The following DCLK1 variants were observed in gnomAD, a reference collection of about 807,000 sequenced individuals.
The protein encoded by DCLK1 is doublecortin like kinase 1, also known as serine/threonine-protein kinase DCLK1.
Under a neutral mutation model 86.2 loss-of-function variants are expected in DCLK1, and 16 were observed. The observed-to-expected ratio is 0.19, with a 90% CI of 0.13 to 0.28. The LOEUF is 0.28. DCLK1 is among the 10% of genes least tolerant of loss of function. The pLI is 1.00. For synonymous variants in DCLK1, 369 were observed against 370.5 expected, an observed-to-expected ratio of 1.00 and a Z score of 0.05; for missense variants, 590 against 940.2, an observed-to-expected ratio of 0.63 and a Z score of 4.87.
intron 4 of DCLK1, among the ~76,000 whole-genome samples, chr13:35,937,495 C>G (rs1335332710): frequency 6.6e-6 from 1 of 152,118 alleles, no homozygotes; most frequent in Non-Finnish European, 1.5e-5. Context: ...AGGGGACTCA[C>G]CACATGCTAC....
intron 5 of DCLK1, among the ~76,000 whole-genome samples, chr13:35,868,601 T>C (rs1394194608): frequency 6.6e-6 from 1 of 152,188 alleles, no homozygotes; most frequent in Non-Finnish European, 1.5e-5. Flanking sequence ...ATAGTATTGA[T>C]ACTATTCATT....
chr13:35,881,035 G>A (rs945376982), intron 4 of DCLK1, among the ~76,000 whole-genome samples: 12 of 152,134 alleles, frequency 7.9e-5, no homozygotes, highest in African/African-American at 2.9e-4. Context: ...TGAATATACA[G>A]ATGAACAATG....
intron 4 of DCLK1, among the ~76,000 whole-genome samples, chr13:35,924,673 T>C (rs1167339719): frequency 6.6e-6 from 1 of 152,032 alleles, no homozygotes; most frequent in Non-Finnish European, 1.5e-5. Flanking sequence ...AAAAAAGAAA[T>C]GGAAGGCTTA....
At chr13:35,948,364 T>A (rs7338448) in intron 3 of DCLK1, among the ~76,000 whole-genome samples, 15 of 152,114 alleles carry the variant, frequency 9.9e-5, no homozygotes, top group African/African-American at 3.4e-4. Context: ...CAGAGCTGTA[T>A]GAAATAGATG....
At chr13:35,839,411 A>C (rs1451537984) in intron 6 of DCLK1, among the ~76,000 whole-genome samples, 1 of 152,072 alleles carries the variant, frequency 6.6e-6, no homozygotes, top group East Asian at 1.9e-4. Context: ...TGTGAACTTG[A>C]ATGTTCCGTG....
intron 5 of DCLK1, chr13:35,855,446 T>A: frequency 4.0e-6 from 6 of 1,490,292 alleles, no homozygotes; most frequent in Non-Finnish European, 5.5e-6. Context: ...AGGAGACACA[T>A]AGATTCTTGA....
intron 5 of DCLK1, among the ~76,000 whole-genome samples, chr13:35,859,517 C>T (rs1265173084): frequency 2.0e-5 from 3 of 152,158 alleles, no homozygotes; most frequent in Admixed American, 6.5e-5. Flanking sequence ...CCCGACGGTA[C>T]ATGACCCTCC....
At chr13:36,031,509 G>A (rs999470915) in intron 3 of DCLK1, among the ~76,000 whole-genome samples, 2 of 152,118 alleles carry the variant, frequency 1.3e-5, no homozygotes, top group Admixed American at 6.5e-5. Flanking sequence ...CATCAAATGC[G>A]ATTTTAAAAG....
intron 2 of DCLK1, 112 bp downstream of exon 2, chr13:36,125,650 A>G: frequency 7.0e-7 from 1 of 1,432,754 alleles, no homozygotes; most frequent in African/African-American, 1.4e-5. Flanking sequence ...TAAGGATCAC[A>G]GCCATAAGGC....
At chr13:35,851,040 G>C (rs1235969259) in intron 6 of DCLK1, among the ~76,000 whole-genome samples, 1 of 152,146 alleles carries the variant, frequency 6.6e-6, no homozygotes, top group Non-Finnish European at 1.5e-5. Flanking sequence ...TGAGTTGCAT[G>C]GCCCCTGAGG....
Position 35,917,203 on chromosome 13 carries a change from G to A in DCLK1, c.823+30155C>T, listed in dbSNP as rs1467857589. 5.3e-5 allele frequency among the ~76,000 whole-genome samples: 8 copies of A among 152,226 alleles called. No homozygotes were observed. In the South Asian group the frequency reaches 6.2e-4, roughly 12 times the overall value. On this transcript the variant is annotated intron_variant, in intron 4 of 16. Coordinates refer to ENST00000360631, the MANE Select transcript of DCLK1 (RefSeq NM_001330071.2). ...TCGTTGTTTCCTTATGAAAACTCTCGTGTCACACGAAGCTCATATTAAATA... is the reference window on the plus strand; with the variant it reads ...TCGTTGTTTCCTTATGAAAACTCTCATGTCACACGAAGCTCATATTAAATA...
At chr13:36,103,404 TAAAAA>T (rs71084406) in intron 3 of DCLK1, among the ~76,000 whole-genome samples, 4 of 109,094 alleles carry the variant, frequency 3.7e-5, no homozygotes, top group South Asian at 3.2e-4. Context: ...ACACCTGTCT[TAAAAA>T]AAAAAAAAAA....
intron 4 of DCLK1, among the ~76,000 whole-genome samples, chr13:35,894,522 A>G (rs1366605595): frequency 6.8e-6 from 1 of 147,516 alleles, no homozygotes; most frequent in Non-Finnish European, 1.5e-5. Context: ...GCTCTGCTAC[A>G]CAATCTTATC....
intron 3 of DCLK1, among the ~76,000 whole-genome samples, chr13:36,100,273 G>A (rs1885172036): frequency 6.6e-6 from 1 of 151,610 alleles, no homozygotes; most frequent in African/African-American, 2.4e-5. Flanking sequence ...CAGCTACTTG[G>A]GAGGCTGTGG....
intron 4 of DCLK1, among the ~76,000 whole-genome samples, chr13:35,881,425 T>C (rs1461700090): frequency 6.6e-6 from 1 of 152,168 alleles, no homozygotes; most frequent in Non-Finnish European, 1.5e-5. Flanking sequence ...AGGGAAAGCC[T>C]TCCCTTTTTT....
intron 6 of DCLK1, among the ~76,000 whole-genome samples, chr13:35,844,273 T>G (rs1238662595): frequency 6.6e-6 from 1 of 152,204 alleles, no homozygotes; most frequent in Non-Finnish European, 1.5e-5. Flanking sequence ...AAACTGTTAC[T>G]CATGAAGTTG....
intron 8 of DCLK1, among the ~76,000 whole-genome samples, chr13:35,830,172 G>A (rs1408954128): frequency 1.3e-5 from 2 of 152,114 alleles, no homozygotes; most frequent in Non-Finnish European, 2.9e-5. Context: ...GATCACTTGA[G>A]GTCAGGAGTT....
intron 3 of DCLK1, among the ~76,000 whole-genome samples, chr13:35,991,903 T>G (rs1192989378): frequency 6.6e-6 from 1 of 152,154 alleles, no homozygotes; most frequent in African/African-American, 2.4e-5. Context: ...TAGGAAGATC[T>G]TATACACGGC....
chr13:36,037,875 T>C (rs548769490), intron 3 of DCLK1, among the ~76,000 whole-genome samples: 92 of 152,100 alleles, frequency 6.0e-4, no homozygotes, highest in Admixed American at 8.5e-4. Flanking sequence ...ATTTAAAAAA[T>C]AGAAAGAAAA....
Sources: gnomAD v4.1 joint callset for allele counts (sites outside exome capture counted in the v4.1 genomes callset) on GRCh38, gnomAD v4.1.1 for gene constraint, MANE v1.5 for transcripts, NCBI Gene and HGNC (gene_info 2026-07-23, HGNC 2026-07-21) for gene names.